The following METTL8 variants were observed in gnomAD, a reference collection of about 807,000 sequenced individuals.
The protein encoded by METTL8 is methyltransferase 8, tRNA N3-cytidine.
METTL8 carries 32 observed loss-of-function variants against 48.7 expected under a neutral mutation model. The observed-to-expected ratio is 0.66, with a 90% CI of 0.50 to 0.88. The LOEUF (loss-of-function observed/expected upper bound fraction) is 0.88, where lower values mean the gene tolerates loss of function less well. Ranked by LOEUF, METTL8 falls within the 40% of genes least tolerant of loss-of-function variation. The probability of loss-of-function intolerance (pLI) is 0.00; values close to 1 mark genes in which losing one functional copy is unlikely to be tolerated. For missense variants in METTL8, 464 were observed against 474.4 expected (o/e 0.98, Z 0.20); for synonymous variants, 136 against 157.1 (o/e 0.87, Z 1.01).
chr2:171,323,579 G>A lies in METTL8; in HGVS notation c.*593C>T, dbSNP rs1224472756. On this transcript the variant is annotated 3_prime_UTR_variant, in exon 10 of 10. Transcript: ENST00000375258. ...AATAGCCTGAAAATAATGTCAGCAT[G>A]GGCTGTACTTCCCCAATTTTAGGAA... The A allele has an allele frequency of 6.6e-6, 1 of 151,980 alleles. No homozygotes were observed. The highest frequency in any genetic ancestry group is 2.4e-5 in the African/African-American group (1 of 41,354). 9.4% of individuals were successfully genotyped at this position (151,980 alleles called of 1,614,324 possible).
At chr2:171,346,507 G>C (rs943470420) in intron 3 of METTL8, among the ~76,000 whole-genome samples, 1 of 152,216 alleles carries the variant, frequency 6.6e-6, no homozygotes, top group African/African-American at 2.4e-5. Flanking sequence ...GAGAGCCTGA[G>C]ACACACAGAG....
intron 3 of METTL8, among the ~76,000 whole-genome samples, chr2:171,359,173 CAAAA>C: frequency 9.1e-6 from 1 of 109,574 alleles, no homozygotes; most frequent in Non-Finnish European, 1.8e-5. Flanking sequence ...GACCCTGTCT[CAAAA>C]AAAAAAAAAA....
intron 2 of METTL8, among the ~76,000 whole-genome samples, chr2:171,376,407 T>A (rs1187956855): frequency 6.6e-6 from 1 of 152,156 alleles, no homozygotes; most frequent in Non-Finnish European, 1.5e-5. Context: ...GAAGTCAAAC[T>A]ATCACTGTTC....
At chr2:171,345,598 C>G (rs184286564) in intron 3 of METTL8, among the ~76,000 whole-genome samples, 122 of 152,070 alleles carry the variant, frequency 8.0e-4, no homozygotes, top group Non-Finnish European at 4.7e-4. Context: ...AAACTTTTAG[C>G]TACTCTCTCT....
At chr2:171,328,005 T>C (rs1368141573) in intron 7 of METTL8, among the ~76,000 whole-genome samples, 1 of 152,180 alleles carries the variant, frequency 6.6e-6, no homozygotes, top group Non-Finnish European at 1.5e-5. Flanking sequence ...TCCTTTAATG[T>C]CTGGGGTTGA....
chr2:171,392,137 C>G lies in METTL8; in HGVS notation c.49G>C (p.Val17Leu). ...TAACCACTTTGGTATCTGTGTGGCA[C>G]CTTTCCTAGCCTTAGACAAGAAATG... ...NSISCLRLGK[V>L]PHRYQSGYHP... The change falls in exon 2 of 10, where the codon GTG (valine) becomes CTG (leucine). Residue 17 changes from valine (V) to leucine (L), a missense_variant. By Grantham distance (32) the Val-to-Leu change is conservative. Transcript: ENST00000375258. 6.4e-7 allele frequency: 1 copy of G among 1,551,600 alleles called. No homozygotes were observed. The highest frequency in any genetic ancestry group is 1.2e-5 in the South Asian group (1 of 84,060).
At chr2:171,330,292 C>T (rs985949209) in intron 7 of METTL8, among the ~76,000 whole-genome samples, 2 of 152,186 alleles carry the variant, frequency 1.3e-5, no homozygotes, top group Non-Finnish European at 2.9e-5. Flanking sequence ...CCTTGAAGCA[C>T]TGTCACTTTT....
intron 2 of METTL8, among the ~76,000 whole-genome samples, chr2:171,385,851 A>G (rs1286269032): frequency 6.6e-6 from 1 of 152,210 alleles, no homozygotes; most frequent in Non-Finnish European, 1.5e-5. Flanking sequence ...AAATCCTAGG[A>G]TTCCATGTTA....
At chr2:171,408,053 C>T (rs2080717) in intron 1 of METTL8, among the ~76,000 whole-genome samples, 151,993 of 152,296 alleles carry the variant, frequency 1, 75,845 homozygotes, top group Middle Eastern at 1. Context: ...CACACTATAC[C>T]GCTGTTAATT....
chr2:171,346,921 C>T (rs1687325312), intron 3 of METTL8, among the ~76,000 whole-genome samples: 1 of 152,354 alleles, frequency 6.6e-6, no homozygotes, highest in African/African-American at 2.4e-5. Context: ...CTCACTGTAA[C>T]GTCCTGCCAC....
chr2:171,328,069 T>C (rs1685136268), intron 7 of METTL8, among the ~76,000 whole-genome samples: 1 of 152,180 alleles, frequency 6.6e-6, no homozygotes, highest in African/African-American at 2.4e-5. Context: ...TCTTGGTTCA[T>C]AGTGCAGTTC....
intron 2 of METTL8, 147 bp from the exon 3 acceptor site, chr2:171,360,660 G>A: frequency 3.0e-6 from 2 of 674,980 alleles, no homozygotes; most frequent in East Asian, 2.9e-5. Flanking sequence ...TTTTGTGTAA[G>A]ATGTTCCTAC....
Position 171,346,023 on chromosome 2 carries a change from TTTTTTG to T in METTL8, c.236-6475_236-6470del, listed in dbSNP as rs202225931. Among the ~76,000 whole-genome samples the T allele has an allele frequency of 2.2e-3, 333 of 152,198 alleles. 7 individuals are homozygous for T. In the East Asian group the frequency reaches 0.028, roughly 13 times the overall value. On this transcript the variant is annotated intron_variant, in intron 3 of 9. Coordinates refer to ENST00000375258, the MANE Select transcript of METTL8 (RefSeq NM_001321154.2). ...AGAAATGAGGGCCTGGATCTATAGT[TTTTTTG>T]TTTTTGTTTTTGTTTTTTGAGACAG... is the stretch of plus-strand genomic sequence containing the variant.
intron 2 of METTL8, among the ~76,000 whole-genome samples, chr2:171,373,634 A>G (rs1399584718): frequency 6.6e-6 from 1 of 152,204 alleles, no homozygotes; most frequent in Non-Finnish European, 1.5e-5. Context: ...TAAGTCTTTA[A>G]TCCATCTTGA....
intron 1 of METTL8, among the ~76,000 whole-genome samples, chr2:171,428,159 C>T (rs1692608251): frequency 6.6e-6 from 1 of 151,980 alleles, no homozygotes; most frequent in Admixed American, 6.6e-5. Context: ...TGTTCTATGC[C>T]CAAAACTAAG....
At position 171,418,638 on chromosome 2, in the gene METTL8, T is replaced by C. The variant is rs532498946; in HGVS notation, c.-13+15245A>G. On this transcript the variant is annotated intron_variant, in intron 1 of 9. Coordinates refer to ENST00000375258, the MANE Select transcript of METTL8 (RefSeq NM_001321154.2). ...AGTTATTTTGCTGCTCAAATTATTT[T>C]GAGCTTTGGCCATTAAGAGCTCTTT... Among the ~76,000 whole-genome samples, 5 of 152,246 alleles carry C rather than the reference T, an allele frequency of 3.3e-5. No homozygotes were observed. The South Asian group carries it at 1.0e-3, about 32-fold the overall frequency.
intron 1 of METTL8, among the ~76,000 whole-genome samples, chr2:171,415,267 T>G (rs1054103770): frequency 1.3e-5 from 2 of 151,918 alleles, no homozygotes; most frequent in Non-Finnish European, 2.9e-5. Context: ...ATAGGGAAAG[T>G]CTAGTAGAAT....
At chr2:171,353,515 G>A (rs1258763990) in intron 3 of METTL8, among the ~76,000 whole-genome samples, 1 of 152,150 alleles carries the variant, frequency 6.6e-6, no homozygotes, top group Non-Finnish European at 1.5e-5. Flanking sequence ...TCAATTTCTG[G>A]ATATCGTTGT....
chr2:171,363,218 ATT>A (rs942369889), intron 2 of METTL8, among the ~76,000 whole-genome samples: 10 of 145,380 alleles, frequency 6.9e-5, no homozygotes, highest in Admixed American at 1.4e-4. Context: ...TGCAGAACAG[ATT>A]TTTTTTTTTT....
Sources: gnomAD v4.1 joint callset for allele counts (sites outside exome capture counted in the v4.1 genomes callset) on GRCh38, gnomAD v4.1.1 for gene constraint, MANE v1.5 for transcripts, NCBI Gene and HGNC (gene_info 2026-07-23, HGNC 2026-07-21) for gene names.